Variants in SLC22A5 observed in about 807,000 individuals in gnomAD.
SLC22A5 encodes the protein solute carrier family 22 member 5, also known as organic cation/carnitine transporter 2.
A neutral mutation model predicts 56.7 loss-of-function variants in SLC22A5; 44 were observed. That is an observed-to-expected ratio of 0.78 (90% confidence interval 0.61 to 1.00). The LOEUF is 1.00. Among genes scored for constraint, SLC22A5 ranks in the 50% least tolerant of loss-of-function variants. The pLI, the probability that SLC22A5 is intolerant of heterozygous loss-of-function variation, is 0.00. For missense variants in SLC22A5, 675 were observed against 723.0 expected (o/e 0.93, Z 0.76); for synonymous variants, 278 against 292.1 (o/e 0.95, Z 0.49).
intron 6 of SLC22A5, chr5:132,389,475 G>A (rs950965750): frequency 7.7e-5 from 21 of 271,200 alleles, no homozygotes; most frequent in South Asian, 4.6e-4. Flanking sequence ...GTCCATAAAC[G>A]GTCCTGGAGT....
intron 1 of SLC22A5, 93 bp downstream of exon 1, chr5:132,370,458 G>A: frequency 1.5e-6 from 2 of 1,372,934 alleles, no homozygotes; most frequent in South Asian, 1.3e-5. Context: ...ATGCGCACTG[G>A]ACGCTGTCAC....
At chr5:132,373,730 G>A (rs918041585) in intron 1 of SLC22A5, among the ~76,000 whole-genome samples, 16 of 152,198 alleles carry the variant, frequency 1.1e-4, no homozygotes, top group African/African-American at 3.9e-4. Context: ...TGGTCCACAT[G>A]GTTCTCGGCT....
Position 132,372,916 on chromosome 5 carries a change from T to C in SLC22A5, c.393+2551T>C, listed in dbSNP as rs547765867. 9.8e-5 allele frequency among the ~76,000 whole-genome samples: 15 copies of C among 152,376 alleles called. No individual in the cohort carries two copies. In the South Asian group the frequency reaches 1.9e-3, roughly 19 times the overall value. ...TGCCCCAAATCATACATAAAGGTGTTTGTAAGTACACTGGTATTGAATTAC... is the reference window on the plus strand; with the variant it reads ...TGCCCCAAATCATACATAAAGGTGTCTGTAAGTACACTGGTATTGAATTAC... On this transcript the variant is annotated intron_variant, in intron 1 of 9. Transcript: ENST00000245407.
intron 8 of SLC22A5, 120 bp downstream of exon 8, chr5:132,392,735 T>A: frequency 2.4e-6 from 2 of 844,706 alleles, no homozygotes; most frequent in East Asian, 5.2e-5. Flanking sequence ...ATGGGCTCCA[T>A]CCAGTACTGG....
At chr5:132,380,098 G>A (rs1250245012) in intron 2 of SLC22A5, 1 of 152,370 alleles carries the variant, frequency 6.6e-6, no homozygotes, top group Non-Finnish European at 1.5e-5. Context: ...TAACAGAGGA[G>A]GTCAGGGGCA....
At position 132,370,108 on chromosome 5, in the gene SLC22A5, C is replaced by T. The variant is rs202088921; in HGVS notation, c.136C>T (p.Pro46Ser). ...GLSSVFLIAT[P>S]EHRCRVPDAA... ...GTCCTCCGTGTTCCTGATAGCGACC[C>T]CGGAGCACCGCTGCCGGGTGCCGGA... The change falls in exon 1 of 10, where the codon CCG becomes TCG. Residue 46 changes from proline (P) to serine (S), a missense_variant. Pro to Ser is a moderately conservative substitution (Grantham distance 74, BLOSUM62 -1). Coordinates refer to ENST00000245407, the MANE Select transcript of SLC22A5 (RefSeq NM_003060.4). 7.6e-4 allele frequency: 1,226 copies of T among 1,611,858 alleles called. 2 individuals are homozygous for T. Among genetic ancestry groups the T allele is most frequent in the Non-Finnish European group, 9.9e-4 (1,168 of 1,179,382 alleles).
chr5:132,371,612 TG>T (rs1019618806), intron 1 of SLC22A5, among the ~76,000 whole-genome samples: 2 of 152,052 alleles, frequency 1.3e-5, no homozygotes, highest in Non-Finnish European at 2.9e-5. Context: ...TAGCCCTCAT[TG>T]ATAGATAGGC....
At chr5:132,384,705 G>A (rs1158625663) in intron 3 of SLC22A5, among the ~76,000 whole-genome samples, 8 of 152,330 alleles carry the variant, frequency 5.3e-5, no homozygotes, top group African/African-American at 1.7e-4. Flanking sequence ...AGCTTGCTAA[G>A]GTAGAGAACC....
chr5:132,371,456 G>T (rs1230535099), intron 1 of SLC22A5, among the ~76,000 whole-genome samples: 1 of 152,132 alleles, frequency 6.6e-6, no homozygotes, highest in African/African-American at 2.4e-5. Context: ...GGGTGGTTTT[G>T]TCTGTCCCCT....
At chr5:132,386,118 G>C (rs372280830) in intron 4 of SLC22A5, among the ~76,000 whole-genome samples, 2 of 152,230 alleles carry the variant, frequency 1.3e-5, no homozygotes, top group Admixed American at 6.5e-5. Flanking sequence ...GACCGAGGGT[G>C]GGGGGCGGCT....
Position 132,393,596 on chromosome 5 carries a change from T to C in SLC22A5, c.1451-80T>C, listed in dbSNP as rs1752778090. 4.7e-6 allele frequency: 7 copies of C among 1,501,252 alleles called. No homozygotes were observed. In the Admixed American group the frequency reaches 5.0e-5, roughly 11 times the overall value. The allele number at this position is 1,501,252 out of a possible 1,614,324, so 93.0% of individuals were successfully genotyped here. A position where few individuals can be genotyped will look rare whatever the true frequency, so the allele number is the denominator to read the frequency against. On this transcript the variant is annotated intron_variant, in intron 8 of 9. Transcript: ENST00000245407. ...GAAGGAAAGTGATCCCCTTCCAGAGTCCTGGGAGCATAAAGGGGTAGATGA... is the reference window on the plus strand; with the variant it reads ...GAAGGAAAGTGATCCCCTTCCAGAGCCCTGGGAGCATAAAGGGGTAGATGA...
chr5:132,392,388 C>T (rs1752731625), intron 7 of SLC22A5, 45 bp from the exon 8 acceptor site: 3 of 1,541,358 alleles, frequency 1.9e-6, no homozygotes, highest in Non-Finnish European at 2.7e-6. Flanking sequence ...AGCTGCATGC[C>T]ATGGGTTGGT....
At chr5:132,371,397 G>C (rs1751922758) in intron 1 of SLC22A5, among the ~76,000 whole-genome samples, 1 of 152,206 alleles carries the variant, frequency 6.6e-6, no homozygotes, top group South Asian at 2.1e-4. Context: ...TTAGGTCATA[G>C]GGTGTAGGGG....
chr5:132,369,981 C>T lies in SLC22A5; in HGVS notation c.9C>T (p.Asp3=). ...GGGCCTCTGAGGGCGGCATGCGGGA[C>T]TACGACGAGGTGACCGCCTTCCTGG... MR[D]YDEVTAFLGE... is the part of the protein sequence containing the mutation. The change falls in exon 1 of 10, where the codon GAC becomes GAT. Residue 3 remains aspartate, a synonymous_variant. Transcript: ENST00000245407. 6.2e-7 allele frequency: 1 copy of T among 1,613,080 alleles called. No homozygotes were observed. Among genetic ancestry groups the T allele is most frequent in the Non-Finnish European group, 8.5e-7 (1 of 1,179,676 alleles).
chr5:132,388,522 C>A (rs889378148), intron 5 of SLC22A5, among the ~76,000 whole-genome samples: 1 of 152,044 alleles, frequency 6.6e-6, no homozygotes, highest in Admixed American at 6.6e-5. Flanking sequence ...AAATATCAGA[C>A]CAATAAACCA....
intron 4 of SLC22A5, among the ~76,000 whole-genome samples, chr5:132,385,887 T>C (rs958068250): frequency 3.9e-5 from 6 of 152,198 alleles, no homozygotes; most frequent in Admixed American, 3.9e-4. Context: ...GTCCTCAGGG[T>C]AGCCACATGG....
In SLC22A5 at chr5:132,388,930, C is replaced by G. The variant is rs761264590; in HGVS notation, c.961C>G (p.Leu321Val). 1.5e-5 allele frequency: 24 copies of G among 1,611,616 alleles called. No homozygotes were observed. Among genetic ancestry groups the G allele is most frequent in the Non-Finnish European group, 1.7e-5 (20 of 1,177,858 alleles). ...TIFDPSELQDLSSKKQQSHNI... is the reference protein window; with the variant it reads ...TIFDPSELQDVSSKKQQSHNI... Reference sequence around the variant, plus strand: ...GATGTTGTTCCTGCAGTTACAAGACCTAAGTTCCAAGAAGCAGCAGTCCCA... The same window carrying G: ...GATGTTGTTCCTGCAGTTACAAGACGTAAGTTCCAAGAAGCAGCAGTCCCA... Residue 321 changes from leucine (L) to valine (V), a missense_variant, in exon 6 of 10, where the codon CTA becomes GTA. Coordinates refer to ENST00000245407, the MANE Select transcript of SLC22A5 (RefSeq NM_003060.4).
chr5:132,385,577 C>A, intron 4 of SLC22A5, 78 bp downstream of exon 4: 2 of 1,136,324 alleles, frequency 1.8e-6, no homozygotes, highest in Non-Finnish European at 2.7e-6. Flanking sequence ...CAGCAACAAC[C>A]CATGAATCCC....
intron 5 of SLC22A5, 37 bp from the exon 6 acceptor site, chr5:132,388,884 C>A: frequency 7.4e-7 from 1 of 1,343,414 alleles, no homozygotes; most frequent in Non-Finnish European, 1.1e-6. Context: ...CTCTGACCAC[C>A]TCTTCTTCCC....
Sources: gnomAD v4.1 joint callset for allele counts (sites outside exome capture counted in the v4.1 genomes callset) on GRCh38, gnomAD v4.1.1 for gene constraint, MANE v1.5 for transcripts, NCBI Gene and HGNC (gene_info 2026-07-23, HGNC 2026-07-21) for gene names.